Variants in GPX5 observed in about 807,000 individuals in gnomAD.
GPX5 encodes epididymal secretory glutathione peroxidase.
In GPX5, 20 loss-of-function variants were observed where a neutral mutation model predicts 23.8. The ratio of observed to expected loss-of-function variants is 0.84; its 90% CI spans 0.59 to 1.22. The LOEUF (loss-of-function observed/expected upper bound fraction) is 1.22. GPX5 is among the 50% of genes most tolerant of loss of function. The probability of loss-of-function intolerance (pLI) is 0.00; values close to 1 mark genes in which losing one functional copy is unlikely to be tolerated. For missense variants in GPX5, 230 were observed against 266.6 expected, an observed-to-expected ratio of 0.86 and a Z score of 0.96; for synonymous variants, 92 against 99.5, an observed-to-expected ratio of 0.92 and a Z score of 0.45.
At chr6:28,529,897 G>A in intron 2 of GPX5, 3 of 271,626 alleles carry the variant, frequency 1.1e-5, no homozygotes. Context: ...TAGGAGTAGT[G>A]ATGATGGAAA....
intron 3 of GPX5, 119 bp downstream of exon 3, chr6:28,532,014 C>T (rs969063329): frequency 9.0e-6 from 7 of 777,100 alleles, no homozygotes; most frequent in African/African-American, 8.7e-5. Flanking sequence ...AGGGGCATTA[C>T]AAGCAGAGTT....
chr6:28,532,302 A>T lies in GPX5; in HGVS notation c.360-19A>T, dbSNP rs775287683. 1.4e-6 allele frequency: 2 copies of T among 1,461,782 alleles called. No individual in the cohort carries two copies. The highest frequency in any genetic ancestry group is 1.9e-6 in the Non-Finnish European group (2 of 1,079,306). The allele number at this position is 1,461,782 out of a possible 1,614,324, so 90.6% of individuals were successfully genotyped here. A position where few individuals can be genotyped will look rare whatever the true frequency, so the allele number is the denominator to read the frequency against. On this transcript the variant is annotated intron_variant, in intron 3 of 4. Coordinates refer to ENST00000412168, the MANE Select transcript of GPX5 (RefSeq NM_001509.3). ...TTGCATATCCTGGAGCTTCCTGGGA[A>T]CATTATGGCTTGTTGCAGGTATGTC...
chr6:28,525,942 C>A lies in GPX5; in HGVS notation c.-72C>A. On this transcript the variant is annotated 5_prime_UTR_variant, in exon 1 of 5. Coordinates refer to ENST00000412168, the MANE Select transcript of GPX5 (RefSeq NM_001509.3). ...GTGGGGGCTTGGGCTAAGTCCCTGC[C>A]AAGATACCAAAAGACTGCAGAGGTG... The A allele has an allele frequency of 1.7e-6, 2 of 1,149,364 alleles. No individual in the cohort carries two copies. Among genetic ancestry groups the A allele is most frequent in the Non-Finnish European group, 2.6e-6 (2 of 760,232 alleles). The allele number at this position is 1,149,364 out of a possible 1,614,324, so 71.2% of individuals were successfully genotyped here.
In GPX5 at chr6:28,534,075, G is replaced by A; in HGVS notation, c.574G>A (p.Gly192Arg). ...NFEKFLVGPD[G>R]IPVMRWSHRA... is the part of the protein sequence containing the mutation. ...TGAAAAGTTCCTGGTGGGGCCTGAT[G>A]GAATCCCTGTCATGCGCTGGTCCCA... The change falls in exon 5 of 5, where the codon GGA becomes AGA. Residue 192 changes from glycine (G) to arginine (R), a missense_variant. Gly to Arg is a moderately radical substitution (Grantham distance 125). Coordinates refer to ENST00000412168, the MANE Select transcript of GPX5 (RefSeq NM_001509.3). The A allele has an allele frequency of 1.2e-6, 2 of 1,612,532 alleles. No homozygotes were observed. Among genetic ancestry groups the A allele is most frequent in the East Asian group, 2.2e-5 (1 of 44,822 alleles).
At chr6:28,526,173 T>C in intron 1 of GPX5, 73 bp downstream of exon 1, 1 of 1,108,020 alleles carries the variant, frequency 9.0e-7, no homozygotes, top group Non-Finnish European at 1.4e-6. Flanking sequence ...CCACTCCTTC[T>C]TGTAAGACTC....
chr6:28,534,436 A>G lies in GPX5; in HGVS notation c.*269A>G, dbSNP rs1763386839. The G allele has an allele frequency of 1.7e-5, 6 of 361,738 alleles. No individual in the cohort carries two copies. In the East Asian group the frequency reaches 1.7e-4, roughly 10 times the overall value. The allele number at this position is 361,738 out of a possible 1,614,324, so 22.4% of individuals were successfully genotyped here. Reference sequence around the variant, plus strand: ...CCTAAAATCCCCAGACCTCTGTTACAGGTTGAATCATTCATATCCACCAGA... The same window carrying G: ...CCTAAAATCCCCAGACCTCTGTTACGGGTTGAATCATTCATATCCACCAGA... On this transcript the variant is annotated 3_prime_UTR_variant, in exon 5 of 5. Transcript: ENST00000412168.
chr6:28,527,056 T>C (rs1763221162), intron 1 of GPX5: 1 of 152,208 alleles, frequency 6.6e-6, no homozygotes, highest in Non-Finnish European at 1.5e-5. Flanking sequence ...GTGGAGACTC[T>C]GGGCTGCAGA....
chr6:28,527,099 T>C (rs983357875), intron 1 of GPX5: 5 of 152,178 alleles, frequency 3.3e-5, no homozygotes, highest in Admixed American at 6.5e-5. Flanking sequence ...CTAGAGATAA[T>C]TGAGACACGT....
intron 3 of GPX5, 52 bp from the exon 4 acceptor site, chr6:28,532,269 A>G (rs1763339226): frequency 9.2e-7 from 1 of 1,081,904 alleles, no homozygotes; most frequent in Non-Finnish European, 1.3e-6. Flanking sequence ...TCCCATTATA[A>G]TCTTTACTTG....
At position 28,534,258 on chromosome 6, in the gene GPX5, C is replaced by T. The variant is rs915401727; in HGVS notation, c.*91C>T. 2.0e-5 allele frequency: 17 copies of T among 854,908 alleles called. No homozygotes were observed. Among genetic ancestry groups the T allele is most frequent in the Non-Finnish European group, 2.3e-5 (13 of 568,178 alleles). The allele number at this position is 854,908 out of a possible 1,614,324, so 53.0% of individuals were successfully genotyped here. A position where few individuals can be genotyped will look rare whatever the true frequency, so the allele number is the denominator to read the frequency against. On this transcript the variant is annotated 3_prime_UTR_variant, in exon 5 of 5. Transcript: ENST00000412168. ...CAAAAAAAAGGAATACCCATCTTCT[C>T]ACCACACTCTCTTCCTGCATGGGCT...
At chr6:28,532,103 T>C (rs1051788322) in intron 3 of GPX5, among the ~76,000 whole-genome samples, 12 of 152,038 alleles carry the variant, frequency 7.9e-5, no homozygotes, top group Non-Finnish European at 1.5e-4. Context: ...GGATGGACTA[T>C]GGAGGACAGA....
rs570803884 is a variant in GPX5, at chr6:28,531,022, A to C, written c.242-756A>C. 3.4e-4 allele frequency among the ~76,000 whole-genome samples: 52 copies of C among 152,278 alleles called. 1 individual carries two copies. The highest frequency in any genetic ancestry group is 3.4e-3 in the Middle Eastern group (1 of 294). ...CTTGTTTTTCAGCATATTACTGAGG[A>C]TTTTTAGTAAGAATGCATCTTCAGC... is the stretch of plus-strand genomic sequence containing the variant. On this transcript the variant is annotated intron_variant, in intron 2 of 4. Transcript: ENST00000412168.
intron 2 of GPX5, among the ~76,000 whole-genome samples, chr6:28,531,250 A>G (rs1217584231): frequency 6.9e-6 from 1 of 145,104 alleles, no homozygotes; most frequent in Non-Finnish European, 1.5e-5. Flanking sequence ...AAGTGCCTGT[A>G]GTCCCAGCTA....
At chr6:28,529,715 T>G in intron 2 of GPX5, 111 bp downstream of exon 2, 1 of 902,668 alleles carries the variant, frequency 1.1e-6, no homozygotes, top group Non-Finnish European at 1.6e-6. Context: ...AAATAAATAC[T>G]CATAATCAAG....
chr6:28,532,510 C>A, intron 4 of GPX5, 90 bp downstream of exon 4: 2 of 838,688 alleles, frequency 2.4e-6, no homozygotes, highest in Non-Finnish European at 3.8e-6. Flanking sequence ...AGGGCTCATG[C>A]CCAGAGGTGG....
chr6:28,534,694 C>T lies in GPX5; in HGVS notation c.*527C>T, dbSNP rs1763395463. The T allele has an allele frequency of 6.6e-6, 1 of 152,492 alleles. No homozygotes were observed. The allele number at this position is 152,492 out of a possible 1,614,324, so 9.4% of individuals were successfully genotyped here. On this transcript the variant is annotated 3_prime_UTR_variant, in exon 5 of 5. Transcript: ENST00000412168. Reference sequence around the variant, plus strand: ...TTTTCATCCATGACACCTCCCCCTACCAGCCATTCTCCTGTGGGAGCAAGA... The same window carrying T: ...TTTTCATCCATGACACCTCCCCCTATCAGCCATTCTCCTGTGGGAGCAAGA...
chr6:28,527,965 C>A (rs913239882), intron 1 of GPX5: 2 of 152,152 alleles, frequency 1.3e-5, no homozygotes, highest in African/African-American at 4.8e-5. Flanking sequence ...TTAAGTGGAA[C>A]TTAACAAATG....
chr6:28,534,205 A>C lies in GPX5; in HGVS notation c.*38A>C. 79 of 1,436,258 alleles carry C rather than the reference A, an allele frequency of 5.5e-5. No individual in the cohort carries two copies. The highest frequency in any genetic ancestry group is 6.8e-5 in the Non-Finnish European group (72 of 1,066,578). 89.0% of individuals were successfully genotyped at this position (1,436,258 alleles called of 1,614,324 possible). On this transcript the variant is annotated 3_prime_UTR_variant, in exon 5 of 5. Transcript: ENST00000412168. ...AAGGGCAGGAGCAACCCTACTTCTC[A>C]CCTAATGACTTGCTCTCCCCACCCC...
At chr6:28,533,127 A>G (rs1009438122) in intron 4 of GPX5, among the ~76,000 whole-genome samples, 6 of 152,180 alleles carry the variant, frequency 3.9e-5, no homozygotes, top group Non-Finnish European at 7.3e-5. Context: ...TCTCAAAAAA[A>G]CAAAAACAAA....
Sources: allele counts gnomAD v4.1 joint callset (sites outside exome capture counted in the v4.1 genomes callset), GRCh38; gene constraint gnomAD v4.1.1; transcripts MANE v1.5; gene names NCBI Gene and HGNC (gene_info 2026-07-23, HGNC 2026-07-21).